DNAH9: variants seen among roughly 807,000 people sequenced by gnomAD.
DNAH9 encodes dynein axonemal heavy chain 9.
DNAH9 carries 345 observed loss-of-function variants against 471.6 expected under a neutral mutation model. The ratio of observed to expected loss-of-function variants is 0.73; its 90% CI spans 0.67 to 0.80. The LOEUF (loss-of-function observed/expected upper bound fraction) is 0.80, where lower values mean the gene tolerates loss of function less well. Among genes scored for constraint, DNAH9 ranks in the 30% least tolerant of loss-of-function variants. DNAH9 has a pLI of 0.00. For synonymous variants in DNAH9, 2,093 were observed against 2,123.6 expected, an observed-to-expected ratio of 0.99 and a Z score of 0.40; for missense variants, 5,407 against 5,609.2, an observed-to-expected ratio of 0.96 and a Z score of 1.15.
Position 11,667,752 on chromosome 17 carries a change from A to G in DNAH9, c.2732-1312A>G, listed in dbSNP as rs189161897. On this transcript the variant is annotated intron_variant, in intron 15 of 68. Coordinates refer to ENST00000262442, the MANE Select transcript of DNAH9 (RefSeq NM_001372.4). ...TCCAGGCTCTAGTCTGGTAGAGGAG[A>G]AGGAGACTGAGTACAGAGAAGGATC... Among the ~76,000 whole-genome samples, 52 of 152,286 alleles carry G rather than the reference A, an allele frequency of 3.4e-4. 1 individual carries two copies. The highest frequency in any genetic ancestry group is 1.2e-3 in the African/African-American group (51 of 41,556).
intron 6 of DNAH9, among the ~76,000 whole-genome samples, chr17:11,625,892 T>C (rs1319161424): frequency 6.6e-6 from 1 of 152,236 alleles, no homozygotes; most frequent in East Asian, 1.9e-4. Flanking sequence ...AGAGTGATCA[T>C]GGTTAATTAT....
chr17:11,884,537 T>C, intron 56 of DNAH9: 1 of 456,116 alleles, frequency 2.2e-6, no homozygotes, highest in African/African-American at 2.0e-5. Flanking sequence ...ATTGCCAGAT[T>C]ATTGGGATTT....
At position 11,914,924 on chromosome 17, in the gene DNAH9, C is replaced by T. The variant is rs375901305; in HGVS notation, c.11750-8890C>T. 1.2e-4 allele frequency among the ~76,000 whole-genome samples: 18 copies of T among 152,214 alleles called. 1 individual carries two copies. Among genetic ancestry groups the T allele is most frequent in the African/African-American group, 2.2e-4 (9 of 41,536 alleles). ...TTTCTGTTATATTTAGTAAATGCCA[C>T]CACCATTTACCAAGTTTCTCATGCC... is the stretch of plus-strand genomic sequence containing the variant. On this transcript the variant is annotated intron_variant, in intron 61 of 68. Coordinates refer to ENST00000262442, the MANE Select transcript of DNAH9 (RefSeq NM_001372.4).
At position 11,598,566 on chromosome 17, in the gene DNAH9, G is replaced by GACGACTGCGACTCCTGGGGACCT; in HGVS notation, c.72_94dup (p.Val32AspfsTer11). On this transcript the variant is annotated frameshift_variant, in exon 1 of 69. Transcript: ENST00000262442. LOFTEE classifies it high-confidence loss of function. ...GCGGATGGGGAACCCGGCGCCGACC[G>GACGACTGCGACTCCTGGGGACCT]ACGACTGCGACTCCTGGGGACCTAC... 1 of 1,406,166 alleles carries GACGACTGCGACTCCTGGGGACCT rather than the reference G, an allele frequency of 7.1e-7. No homozygotes were observed. The highest frequency in any genetic ancestry group is 9.2e-7 in the Non-Finnish European group (1 of 1,087,912). 87.1% of individuals were successfully genotyped at this position (1,406,166 alleles called of 1,614,324 possible).
intron 52 of DNAH9, among the ~76,000 whole-genome samples, chr17:11,874,432 TG>T (rs1440622195): frequency 1.3e-5 from 2 of 152,064 alleles, no homozygotes; most frequent in Non-Finnish European, 2.9e-5. Context: ...TGCAAGTGAA[TG>T]GGGTGTTTGG....
chr17:11,763,695 C>T (rs1967816269), intron 36 of DNAH9, 81 bp downstream of exon 36: 1 of 1,341,614 alleles, frequency 7.5e-7, no homozygotes, highest in Non-Finnish European at 1.0e-6. Context: ...ATTTGGAAGA[C>T]AGGACAGCTA....
At chr17:11,878,656 A>G (rs1262709654) in intron 53 of DNAH9, among the ~76,000 whole-genome samples, 1 of 152,122 alleles carries the variant, frequency 6.6e-6, no homozygotes, top group East Asian at 1.9e-4. Flanking sequence ...CCGGGGTTCA[A>G]GCAGTCCTTC....
At chr17:11,814,901 TC>T (rs1370374680) in intron 45 of DNAH9, among the ~76,000 whole-genome samples, 4 of 152,186 alleles carry the variant, frequency 2.6e-5, no homozygotes, top group African/African-American at 9.6e-5. Context: ...GAACTGGACT[TC>T]CTGAGGAGCC....
chr17:11,692,335 GTAA>G (rs1228337018), intron 20 of DNAH9, among the ~76,000 whole-genome samples: 1 of 152,108 alleles, frequency 6.6e-6, no homozygotes, highest in South Asian at 2.1e-4. Context: ...TTGTTGTTAT[GTAA>G]TAATAATACC....
intron 61 of DNAH9, among the ~76,000 whole-genome samples, chr17:11,914,669 A>G (rs1228191172): frequency 6.6e-6 from 1 of 152,188 alleles, no homozygotes; most frequent in East Asian, 1.9e-4. Context: ...TATCTTCTAG[A>G]AGCCAGTTTT....
chr17:11,817,826 TTAAA>T (rs1294423207), intron 45 of DNAH9, among the ~76,000 whole-genome samples: 3 of 152,208 alleles, frequency 2.0e-5, no homozygotes, highest in Admixed American at 6.5e-5. Context: ...AGAATAGAAA[TTAAA>T]TAAGTTGGTA....
intron 62 of DNAH9, among the ~76,000 whole-genome samples, chr17:11,929,334 G>A (rs983765588): frequency 2.6e-5 from 4 of 151,972 alleles, no homozygotes; most frequent in Admixed American, 1.3e-4. Flanking sequence ...GTGCCTGGCC[G>A]TGTTACACTC....
chr17:11,842,171 A>G (rs986458397), intron 49 of DNAH9, among the ~76,000 whole-genome samples: 15 of 152,342 alleles, frequency 9.8e-5, no homozygotes, highest in Non-Finnish European at 1.9e-4. Flanking sequence ...GCTTAATACT[A>G]AAAGTGATAG....
intron 48 of DNAH9, among the ~76,000 whole-genome samples, chr17:11,832,761 G>T (rs187947875): frequency 1.4e-4 from 22 of 152,280 alleles, no homozygotes; most frequent in African/African-American, 5.3e-4. Context: ...CGTGTTCCAG[G>T]AGCTCTGAAG....
At chr17:11,873,790 G>A (rs1297435678) in intron 52 of DNAH9, among the ~76,000 whole-genome samples, 1 of 139,218 alleles carries the variant, frequency 7.2e-6, no homozygotes, top group Admixed American at 7.9e-5. Context: ...ATTTGGGGGT[G>A]ATGAAATGTT....
intron 65 of DNAH9, among the ~76,000 whole-genome samples, chr17:11,936,368 GCC>G (rs1974714531): frequency 6.6e-6 from 1 of 152,122 alleles, no homozygotes; most frequent in Non-Finnish European, 1.5e-5. Flanking sequence ...GGTGGCTCCC[GCC>G]TGTAATCCCA....
At chr17:11,936,118 G>A (rs1974705306) in intron 65 of DNAH9, among the ~76,000 whole-genome samples, 1 of 152,170 alleles carries the variant, frequency 6.6e-6, no homozygotes, top group Non-Finnish European at 1.5e-5. Flanking sequence ...TCTCTTTAAT[G>A]TGTTAGTTAA....
chr17:11,622,968 CTTTTTTTTTTT>C (rs10551080), intron 6 of DNAH9, among the ~76,000 whole-genome samples: 13 of 105,384 alleles, frequency 1.2e-4, no homozygotes, highest in Admixed American at 1.2e-3. Context: ...TTTTCTTTTT[CTTTTTTTTTTT>C]TTTTTTTTCT....
intron 51 of DNAH9, 76 bp downstream of exon 51, chr17:11,869,329 A>T: frequency 6.3e-7 from 1 of 1,577,142 alleles, no homozygotes; most frequent in South Asian, 1.2e-5. Flanking sequence ...TGCAAGATAG[A>T]TGAGCACAGC....
Sources: allele counts gnomAD v4.1 joint callset (sites outside exome capture counted in the v4.1 genomes callset), GRCh38; gene constraint gnomAD v4.1.1; transcripts MANE v1.5; gene names NCBI Gene and HGNC (gene_info 2026-07-23, HGNC 2026-07-21).